The following RBFOX1 variants were observed in gnomAD, a reference collection of about 807,000 sequenced individuals.
The protein encoded by RBFOX1 is RNA binding protein fox-1 homolog 1.
Under a neutral mutation model 57.7 loss-of-function variants are expected in RBFOX1, and 8 were observed. The ratio of observed to expected loss-of-function variants is 0.14; its 90% CI spans 0.08 to 0.25. The LOEUF (loss-of-function observed/expected upper bound fraction) is 0.25. Ranked by LOEUF, RBFOX1 falls within the 10% of genes least tolerant of loss-of-function variation. The pLI, the probability that RBFOX1 is intolerant of heterozygous loss-of-function variation, is 1.00. For missense variants in RBFOX1, 611 were observed against 548.5 expected, an observed-to-expected ratio of 1.11 and a Z score of -1.14; for synonymous variants, 326 against 222.4, an observed-to-expected ratio of 1.47 and a Z score of -4.15.
At chr16:6,156,875 C>A (rs543878445) in intron 1 of RBFOX1, among the ~76,000 whole-genome samples, 1 of 152,140 alleles carries the variant, frequency 6.6e-6, no homozygotes, top group Non-Finnish European at 1.5e-5. Context: ...GGTCTTCTTA[C>A]GTCACCCAGA....
chr16:6,259,287 C>G (rs2097687390), intron 1 of RBFOX1, among the ~76,000 whole-genome samples: 1 of 152,056 alleles, frequency 6.6e-6, no homozygotes, highest in African/African-American at 2.4e-5. Context: ...TTGCCACATG[C>G]TTTGCTGGAG....
chr16:6,971,669 T>C (rs1409532285), intron 3 of RBFOX1, among the ~76,000 whole-genome samples: 4 of 152,214 alleles, frequency 2.6e-5, no homozygotes, highest in South Asian at 4.2e-4. Context: ...ATTGCAATAG[T>C]CCTGGATAGA....
chr16:5,496,596 C>A (rs1395617131), intron 2 of RBFOX1, among the ~76,000 whole-genome samples: 1 of 152,178 alleles, frequency 6.6e-6, no homozygotes, highest in Non-Finnish European at 1.5e-5. Flanking sequence ...CTCTCTTAGT[C>A]ACAGATGTCG....
At chr16:6,193,392 C>CATTATATATATATTATATATATATA (rs1555545384) in intron 1 of RBFOX1, among the ~76,000 whole-genome samples, 1 of 43,222 alleles carries the variant, frequency 2.3e-5, no homozygotes, top group Non-Finnish European at 4.8e-5. Flanking sequence ...TATATATATA[C>CATTATATATATATTATATATATATA]TATATATATA....
intron 1 of RBFOX1, among the ~76,000 whole-genome samples, chr16:6,154,783 G>A (rs540434888): frequency 1.3e-5 from 2 of 152,314 alleles, no homozygotes; most frequent in South Asian, 4.1e-4. Flanking sequence ...CATTACTAAT[G>A]TGACTACAGG....
At chr16:6,405,209 C>G (rs2093232647) in intron 2 of RBFOX1, among the ~76,000 whole-genome samples, 1 of 152,124 alleles carries the variant, frequency 6.6e-6, no homozygotes, top group Admixed American at 6.6e-5. Flanking sequence ...TCCTATCATA[C>G]AAGAGCAGAT....
chr16:7,709,026 G>T, intron 14 of RBFOX1, 30 bp from the exon 15 acceptor site: 2 of 1,576,598 alleles, frequency 1.3e-6, no homozygotes, highest in Middle Eastern at 1.7e-4. Context: ...GCATACTGTG[G>T]ATCAATCTTC....
At chr16:7,113,227 G>A (rs571224827) in intron 4 of RBFOX1, among the ~76,000 whole-genome samples, 65 of 152,316 alleles carry the variant, frequency 4.3e-4, no homozygotes, top group Non-Finnish European at 8.7e-4. Flanking sequence ...TGCATATTCT[G>A]TGGAGTTGAT....
rs771561685 is a variant in RBFOX1 at position 7,344,872 on chromosome 16, C to T, written c.28-173275C>T. ...CATGGGGAAATGGCCATGTCTCTTG[C>T]CCGTACAACCGACTCTGAGCAGAAG... On this transcript the variant is annotated intron_variant, in intron 4 of 15. Coordinates refer to ENST00000550418, the MANE Select transcript of RBFOX1 (RefSeq NM_018723.4). Among the ~76,000 whole-genome samples, 2 of 152,224 alleles carry T rather than the reference C, an allele frequency of 1.3e-5. 1 individual carries two copies. The highest frequency in any genetic ancestry group is 4.1e-4 in the South Asian group (2 of 4,834).
At chr16:5,667,397 G>A (rs1251863252) in intron 3 of RBFOX1, among the ~76,000 whole-genome samples, 1 of 152,106 alleles carries the variant, frequency 6.6e-6, no homozygotes, top group Non-Finnish European at 1.5e-5. Context: ...GTTCTACATT[G>A]TTTATTAATT....
chr16:7,538,601 CAAAT>C (rs3837773), intron 5 of RBFOX1, among the ~76,000 whole-genome samples: 1 of 152,218 alleles, frequency 6.6e-6, no homozygotes, highest in East Asian at 1.9e-4. Flanking sequence ...GAGATGGAAA[CAAAT>C]AAACAATGTA....
chr16:6,499,767 A>G (rs2095863403), intron 2 of RBFOX1, among the ~76,000 whole-genome samples: 1 of 152,104 alleles, frequency 6.6e-6, no homozygotes, highest in African/African-American at 2.4e-5. Context: ...GGAATCAGAA[A>G]GTCTCCATTT....
At chr16:7,319,246 C>T (rs186865894) in intron 4 of RBFOX1, among the ~76,000 whole-genome samples, 3 of 152,122 alleles carry the variant, frequency 2.0e-5, no homozygotes, top group African/African-American at 4.8e-5. Context: ...CTGTGAATTT[C>T]CACGTTGAGC....
intron 1 of RBFOX1, among the ~76,000 whole-genome samples, chr16:6,305,508 T>C (rs1248011184): frequency 2.0e-5 from 3 of 151,984 alleles, no homozygotes; most frequent in Non-Finnish European, 4.4e-5. Context: ...CAGTCCCAGA[T>C]AGATATTTAC....
In RBFOX1 at chr16:6,019,779, G is replaced by T. The variant is rs531448387; in HGVS notation, c.-340G>T. On this transcript the variant is annotated 5_prime_UTR_variant, in exon 1 of 16. Coordinates refer to ENST00000550418, the MANE Select transcript of RBFOX1 (RefSeq NM_018723.4). This position sits in a 1 kb window ranked among gnomAD's most constrained non-coding sequence, Gnocchi z 4.2. The stretch of plus-strand genomic sequence containing the variant: ...AGACCCCCACCCAGTGGCCGCCAGG[G>T]TCCCCGCCTGTCCGGACCCTCGCCG... 1.1e-4 allele frequency: 165 copies of T among 1,438,376 alleles called. 3 individuals carry two copies. In the South Asian group the frequency reaches 1.8e-3, roughly 16 times the overall value. The allele number at this position is 1,438,376 out of a possible 1,614,324, so 89.1% of individuals were successfully genotyped here.
chr16:6,126,303 G>A (rs565188569), intron 1 of RBFOX1, among the ~76,000 whole-genome samples: 1 of 152,328 alleles, frequency 6.6e-6, no homozygotes, highest in East Asian at 1.9e-4. Context: ...GTTGGTGTTA[G>A]CCCTCTCTTA....
chr16:6,979,240 A>G (rs75120698), intron 3 of RBFOX1, among the ~76,000 whole-genome samples: 10,582 of 152,230 alleles, frequency 0.07, 428 homozygotes, highest in South Asian at 0.18. Context: ...GGTGAATAAG[A>G]GAAAAATACA....
intron 3 of RBFOX1, among the ~76,000 whole-genome samples, chr16:7,006,343 C>T (rs375664064): frequency 4.6e-5 from 7 of 151,904 alleles, no homozygotes; most frequent in South Asian, 2.1e-4. Flanking sequence ...TTAGTAGGGA[C>T]GGGGTTTTAT....
intron 2 of RBFOX1, among the ~76,000 whole-genome samples, chr16:5,478,612 C>T (rs967337074): frequency 7.2e-5 from 11 of 152,142 alleles, no homozygotes; most frequent in African/African-American, 1.9e-4. Flanking sequence ...CCCAAGATTC[C>T]GATGTGCAGA....
Sources: gnomAD v4.1 joint callset for allele counts (sites outside exome capture counted in the v4.1 genomes callset) on GRCh38, gnomAD v4.1.1 for gene constraint, Gnocchi (gnomAD v3.1) non-coding constraint, MANE v1.5 for transcripts, NCBI Gene and HGNC (gene_info 2026-07-23, HGNC 2026-07-21) for gene names.